The following ASIC2 variants were observed in gnomAD, a reference collection of about 807,000 sequenced individuals.
ASIC2 encodes acid sensing ion channel subunit 2.
A neutral mutation model predicts 57.3 loss-of-function variants in ASIC2; 25 were observed. The ratio of observed to expected loss-of-function variants is 0.44; its 90% CI spans 0.32 to 0.61. The LOEUF (loss-of-function observed/expected upper bound fraction) is 0.61. Among genes scored for constraint, ASIC2 ranks in the 20% least tolerant of loss-of-function variants. ASIC2 has a pLI of 0.06. For synonymous variants in ASIC2, 319 were observed against 307.5 expected (o/e 1.04, Z -0.39); for missense variants, 641 against 738.1 (o/e 0.87, Z 1.52).
chr17:33,040,818 A>C (rs1164921538), intron 3 of ASIC2, among the ~76,000 whole-genome samples: 2 of 152,196 alleles, frequency 1.3e-5, no homozygotes, highest in African/African-American at 4.8e-5. Flanking sequence ...ATAGTGCTCA[A>C]CCTGATGGAC....
At chr17:34,050,513 G>C (rs993674643) in intron 1 of ASIC2, among the ~76,000 whole-genome samples, 2 of 152,146 alleles carry the variant, frequency 1.3e-5, no homozygotes, top group Non-Finnish European at 2.9e-5. Context: ...AGAACTCAAA[G>C]ATCAGGGTCC....
chr17:33,724,771 GT>G (rs1909493476), intron 1 of ASIC2, among the ~76,000 whole-genome samples: 2 of 152,088 alleles, frequency 1.3e-5, no homozygotes, highest in South Asian at 4.1e-4. Context: ...TGTTCAAGAG[GT>G]GGTTGACTAA....
At chr17:33,138,696 C>T (rs2092375547) in intron 1 of ASIC2, among the ~76,000 whole-genome samples, 1 of 152,186 alleles carries the variant, frequency 6.6e-6, no homozygotes, top group Non-Finnish European at 1.5e-5. Context: ...CGGAGGGCTC[C>T]CTGCCACCTC....
At chr17:33,975,253 A>G (rs1905345224) in intron 1 of ASIC2, among the ~76,000 whole-genome samples, 1 of 152,166 alleles carries the variant, frequency 6.6e-6, no homozygotes, top group Non-Finnish European at 1.5e-5. Flanking sequence ...CTGATATGGG[A>G]TGGCAAAGCC....
intron 1 of ASIC2, among the ~76,000 whole-genome samples, chr17:33,621,927 G>A (rs969332875): frequency 3.3e-5 from 5 of 151,922 alleles, no homozygotes; most frequent in Admixed American, 6.6e-5. Context: ...CCTACCTTGC[G>A]GTTATTGTGA....
chr17:33,130,300 C>T lies in ASIC2; in HGVS notation c.709-18233G>A, dbSNP rs930840541. Among the ~76,000 whole-genome samples the T allele has an allele frequency of 3.3e-5, 5 of 152,188 alleles. No individual in the cohort carries two copies. In the East Asian group the frequency reaches 7.7e-4, roughly 23 times the overall value. On this transcript the variant is annotated intron_variant, in intron 1 of 9. Transcript: ENST00000225823. ...TCTTTTCCTGCTCCCCTTCCTCCCCCTCCTCATCTTCAGGTAAAGGATAGA... is the reference window on the plus strand; with the variant it reads ...TCTTTTCCTGCTCCCCTTCCTCCCCTTCCTCATCTTCAGGTAAAGGATAGA...
chr17:33,376,589 C>T (rs545706435), intron 1 of ASIC2, among the ~76,000 whole-genome samples: 3 of 152,248 alleles, frequency 2.0e-5, no homozygotes, highest in African/African-American at 7.2e-5. Flanking sequence ...GAGAAGCAGG[C>T]ACTGTTACTA....
chr17:33,662,668 T>TAAATAAATAAATAAAA (rs530248877), intron 1 of ASIC2, among the ~76,000 whole-genome samples: 14 of 128,102 alleles, frequency 1.1e-4, no homozygotes, highest in African/African-American at 3.2e-4. Flanking sequence ...AATAAATAAA[T>TAAATAAATAAATAAAA]AAGTAAAATA....
chr17:34,088,760 C>A (rs1304275459), intron 1 of ASIC2, among the ~76,000 whole-genome samples: 1 of 152,258 alleles, frequency 6.6e-6, no homozygotes, highest in African/African-American at 2.4e-5. Flanking sequence ...CCTCCCCAGC[C>A]TCGCTGCAGC....
chr17:33,032,997 T>A (rs1387162208), intron 3 of ASIC2, among the ~76,000 whole-genome samples: 1 of 152,120 alleles, frequency 6.6e-6, no homozygotes, highest in East Asian at 1.9e-4. Context: ...GGGCTGAGCA[T>A]GGTGGCTCAT....
intron 1 of ASIC2, among the ~76,000 whole-genome samples, chr17:33,638,057 T>C (rs1906428716): frequency 6.6e-6 from 1 of 152,166 alleles, no homozygotes; most frequent in Admixed American, 6.5e-5. Context: ...GCTCAGTCAG[T>C]TGCCAGAATT....
chr17:34,084,360 T>C (rs201823407), intron 1 of ASIC2, among the ~76,000 whole-genome samples: 268 of 150,372 alleles, frequency 1.8e-3, no homozygotes, highest in East Asian at 6.3e-3. Context: ...GTTGTAGATA[T>C]GCAGCGTTAT....
intron 1 of ASIC2, among the ~76,000 whole-genome samples, chr17:33,374,239 C>T (rs1267038206): frequency 6.6e-6 from 1 of 152,074 alleles, no homozygotes; most frequent in Non-Finnish European, 1.5e-5. Flanking sequence ...CAGGTGATCC[C>T]GCCTGCCTCC....
At chr17:34,024,987 G>T (rs1320498978) in intron 1 of ASIC2, among the ~76,000 whole-genome samples, 1 of 152,204 alleles carries the variant, frequency 6.6e-6, no homozygotes, top group Non-Finnish European at 1.5e-5. Flanking sequence ...CTCACTGAAT[G>T]CAGAGCTGGC....
At chr17:33,677,621 A>G (rs146015731) in intron 1 of ASIC2, among the ~76,000 whole-genome samples, 35 of 152,262 alleles carry the variant, frequency 2.3e-4, no homozygotes, top group Middle Eastern at 3.4e-3. Context: ...ACTCTCACGG[A>G]TGGCTTTGAG....
intron 1 of ASIC2, among the ~76,000 whole-genome samples, chr17:33,682,709 C>T (rs1908049015): frequency 6.6e-6 from 1 of 151,866 alleles, no homozygotes; most frequent in Non-Finnish European, 1.5e-5. Flanking sequence ...GTTAAGTATG[C>T]CTTGCTTGGG....
chr17:33,364,101 C>G (rs1160206394), intron 1 of ASIC2, among the ~76,000 whole-genome samples: 1 of 152,080 alleles, frequency 6.6e-6, no homozygotes, highest in Non-Finnish European at 1.5e-5. Flanking sequence ...CAAAGACACC[C>G]TGTGAATAAG....
intron 1 of ASIC2, among the ~76,000 whole-genome samples, chr17:33,145,802 G>C (rs1289914914): frequency 6.6e-6 from 1 of 152,174 alleles, no homozygotes; most frequent in Non-Finnish European, 1.5e-5. Flanking sequence ...TGACCAAATA[G>C]TCAACCTGTC....
chr17:33,058,192 T>C (rs2092005457), intron 3 of ASIC2, among the ~76,000 whole-genome samples: 1 of 152,078 alleles, frequency 6.6e-6, no homozygotes, highest in Admixed American at 6.6e-5. Context: ...TACACAAGCT[T>C]ATTTATCCTG....
Sources: allele counts gnomAD v4.1 joint callset (sites outside exome capture counted in the v4.1 genomes callset), GRCh38; gene constraint gnomAD v4.1.1; transcripts MANE v1.5; gene names NCBI Gene and HGNC (gene_info 2026-07-23, HGNC 2026-07-21).